CACNA2D1: variants seen among roughly 807,000 people sequenced by gnomAD.
CACNA2D1 encodes calcium voltage-gated channel auxiliary subunit alpha2delta 1.
In CACNA2D1, 53 loss-of-function variants were observed where a neutral mutation model predicts 171.5. That is an observed-to-expected ratio of 0.31 (90% CI 0.25 to 0.39). The LOEUF is 0.39. Among genes scored for constraint, CACNA2D1 ranks in the 10% least tolerant of loss-of-function variants. The pLI is 1.00. For missense variants in CACNA2D1, 903 were observed against 1,299.8 expected, an observed-to-expected ratio of 0.69 and a Z score of 4.69; for synonymous variants, 442 against 443.1, an observed-to-expected ratio of 1.00 and a Z score of 0.03.
Position 82,016,457 on chromosome 7 carries a change from TA to T in CACNA2D1, c.1144-1979del, listed in dbSNP as rs966314872. Among the ~76,000 whole-genome samples, 121 of 151,952 alleles carry T rather than the reference TA, an allele frequency of 8.0e-4. 1 individual carries two copies. The highest frequency in any genetic ancestry group is 2.7e-3 in the African/African-American group (111 of 41,420). ...ACATTTTTCATAAAATACTTTTCAGTAAAAAAATAAACAAGTAAGACTATAT... is the reference window on the plus strand; with the variant it reads ...ACATTTTTCATAAAATACTTTTCAGTAAAAAATAAACAAGTAAGACTATAT... On this transcript the variant is annotated intron_variant, in intron 12 of 38. Transcript: ENST00000356860.
At chr7:82,216,383 T>C (rs1469957397) in intron 3 of CACNA2D1, among the ~76,000 whole-genome samples, 3 of 152,182 alleles carry the variant, frequency 2.0e-5, no homozygotes, top group Non-Finnish European at 4.4e-5. Context: ...GTTCTGGAAA[T>C]TGTTTTTATT....
chr7:82,208,275 T>C (rs7790747), intron 3 of CACNA2D1, among the ~76,000 whole-genome samples: 5,528 of 152,268 alleles, frequency 0.036, 339 homozygotes, highest in African/African-American at 0.12. Flanking sequence ...ACATTAACGA[T>C]AGTACTTAGG....
At chr7:82,036,155 GC>G (rs2131183738) in intron 11 of CACNA2D1, among the ~76,000 whole-genome samples, 1 of 152,134 alleles carries the variant, frequency 6.6e-6, no homozygotes, top group East Asian at 1.9e-4. Flanking sequence ...CTGCAACCCA[GC>G]CCACACCACT....
intron 7 of CACNA2D1, among the ~76,000 whole-genome samples, chr7:82,076,290 T>C (rs1286271439): frequency 2.0e-5 from 3 of 152,170 alleles, no homozygotes; most frequent in Admixed American, 6.5e-5. Flanking sequence ...TGATGGATAG[T>C]ATACAGCAAA....
intron 1 of CACNA2D1, among the ~76,000 whole-genome samples, chr7:82,422,880 T>C (rs1215652224): frequency 6.6e-6 from 1 of 151,854 alleles, no homozygotes; most frequent in Non-Finnish European, 1.5e-5. Context: ...AAAAGATGCT[T>C]TGTCAAGAAA....
At chr7:82,417,168 T>A (rs1039043861) in intron 1 of CACNA2D1, among the ~76,000 whole-genome samples, 26 of 152,206 alleles carry the variant, frequency 1.7e-4, no homozygotes, top group Non-Finnish European at 2.6e-4. Context: ...TCACACCATA[T>A]GGCAGATGTA....
At chr7:82,110,785 GCC>G (rs1491382410) in intron 6 of CACNA2D1, among the ~76,000 whole-genome samples, 2 of 152,076 alleles carry the variant, frequency 1.3e-5, no homozygotes, top group Admixed American at 6.6e-5. Flanking sequence ...AATTGCCTTA[GCC>G]ACAAGGCCTT....
At chr7:82,309,050 A>G (rs1051058519) in intron 3 of CACNA2D1, among the ~76,000 whole-genome samples, 1 of 152,284 alleles carries the variant, frequency 6.6e-6, no homozygotes, top group South Asian at 2.1e-4. Flanking sequence ...TATATCTGTT[A>G]TGTATATGTG....
chr7:82,411,314 A>G (rs778547356), intron 1 of CACNA2D1, among the ~76,000 whole-genome samples: 69 of 152,218 alleles, frequency 4.5e-4, no homozygotes, highest in Non-Finnish European at 2.8e-4. Context: ...ATTACTGTCT[A>G]TATAGTCCAG....
At chr7:82,169,612 T>C (rs911998507) in intron 4 of CACNA2D1, among the ~76,000 whole-genome samples, 1 of 152,056 alleles carries the variant, frequency 6.6e-6, no homozygotes, top group African/African-American at 2.4e-5. Context: ...CTCAGTTTAG[T>C]GTCTACTGAA....
intron 3 of CACNA2D1, among the ~76,000 whole-genome samples, chr7:82,179,925 GA>G (rs34239555): frequency 6.0e-5 from 9 of 150,470 alleles, no homozygotes; most frequent in East Asian, 2.0e-4. Flanking sequence ...ACACCTGAGA[GA>G]AAAAAAAAGC....
chr7:82,391,372 AGTGCAG>A (rs1563480161), intron 1 of CACNA2D1, among the ~76,000 whole-genome samples: 1 of 152,220 alleles, frequency 6.6e-6, no homozygotes, highest in Non-Finnish European at 1.5e-5. Flanking sequence ...CAAACCATGC[AGTGCAG>A]TCTCCACTTC....
At position 81,997,245 on chromosome 7, in the gene CACNA2D1, G is replaced by C; in HGVS notation, c.1596C>G (p.Pro532=). 1 of 1,591,124 alleles carries C rather than the reference G, an allele frequency of 6.3e-7. No homozygotes were observed. Reference sequence around the variant, plus strand: ...CCAATGTTACTGGCTCCTGAGATTTGGGGTTCTACACAGAAAACAATAATA... The same window carrying C: ...CCAATGTTACTGGCTCCTGAGATTTCGGGTTCTACACAGAAAACAATAATA... ...LLHPNLQPKN[P]KSQEPVTLDF... Residue 532 remains proline, a synonymous_variant, in exon 19 of 39, where the codon CCC becomes CCG. Transcript: ENST00000356860.
intron 3 of CACNA2D1, among the ~76,000 whole-genome samples, chr7:82,302,640 C>T (rs995127143): frequency 5.3e-5 from 8 of 152,092 alleles, no homozygotes; most frequent in Admixed American, 2.6e-4. Flanking sequence ...CTCGAACTCC[C>T]GACCGACCTC....
At chr7:82,125,738 T>C (rs1790261158) in intron 5 of CACNA2D1, among the ~76,000 whole-genome samples, 1 of 152,068 alleles carries the variant, frequency 6.6e-6, no homozygotes, top group South Asian at 2.1e-4. Flanking sequence ...ATTGAACATA[T>C]GAAACCTATA....
chr7:81,959,784 T>C lies in CACNA2D1; in HGVS notation c.3012A>G (p.Ile1004Met). Residue 1004 changes from isoleucine to methionine, a missense_variant, in exon 37 of 39, where the codon ATA (isoleucine) becomes ATG (methionine). Transcript: ENST00000356860. ...GACATGTCCCTTTGCTCTCAACCAT[T>C]ATGAATATTAAGTTGGTGTTCATAA... ...EKLMNTNLIF[I>M]MVESKGTCPC... 1 of 1,612,678 alleles carries C rather than the reference T, an allele frequency of 6.2e-7. No individual in the cohort carries two copies. Among genetic ancestry groups the C allele is most frequent in the South Asian group, 1.1e-5 (1 of 91,058 alleles).
At chr7:82,013,406 G>GA in intron 14 of CACNA2D1, 55 bp downstream of exon 14, 1 of 804,022 alleles carries the variant, frequency 1.2e-6, no homozygotes, top group Non-Finnish European at 1.8e-6. Context: ...ATTTAAACCA[G>GA]AAAAATATCT....
chr7:82,328,931 T>C (rs1816961561), intron 3 of CACNA2D1, among the ~76,000 whole-genome samples: 1 of 152,170 alleles, frequency 6.6e-6, no homozygotes, highest in Non-Finnish European at 1.5e-5. Flanking sequence ...GTATTCTTCT[T>C]TGAGTCTCTA....
intron 1 of CACNA2D1, among the ~76,000 whole-genome samples, chr7:82,412,016 A>T (rs538839512): frequency 5.3e-5 from 8 of 152,212 alleles, no homozygotes; most frequent in Admixed American, 5.2e-4. Flanking sequence ...GGTGCTGCTG[A>T]GCTGCCATCC....
Sources: gnomAD v4.1 joint callset for allele counts (sites outside exome capture counted in the v4.1 genomes callset) on GRCh38, gnomAD v4.1.1 for gene constraint, MANE v1.5 for transcripts, NCBI Gene and HGNC (gene_info 2026-07-23, HGNC 2026-07-21) for gene names.